The following TRAPPC9 variants were observed in gnomAD, a reference collection of about 807,000 sequenced individuals.
The protein encoded by TRAPPC9 is IKK2 binding protein.
A neutral mutation model predicts 124.0 loss-of-function variants in TRAPPC9; 83 were observed. That is an observed-to-expected ratio of 0.67 (90% CI 0.56 to 0.80). The LOEUF is 0.80. Among genes scored for constraint, TRAPPC9 ranks in the 30% least tolerant of loss-of-function variants. The probability of loss-of-function intolerance (pLI) is 0.00; values close to 1 mark genes in which losing one functional copy is unlikely to be tolerated. For missense variants in TRAPPC9, 1,302 were observed against 1,508.3 expected, an observed-to-expected ratio of 0.86 and a Z score of 2.27; for synonymous variants, 638 against 617.5, an observed-to-expected ratio of 1.03 and a Z score of -0.49.
chr8:139,978,862 C>T (rs950028447), intron 19 of TRAPPC9, among the ~76,000 whole-genome samples: 1 of 152,046 alleles, frequency 6.6e-6, no homozygotes, highest in Non-Finnish European at 1.5e-5. Context: ...ACCAGTGGAG[C>T]TGGGATCGCA....
At chr8:140,233,296 C>G (rs1458911426) in intron 16 of TRAPPC9, among the ~76,000 whole-genome samples, 1 of 152,082 alleles carries the variant, frequency 6.6e-6, no homozygotes, top group Non-Finnish European at 1.5e-5. Flanking sequence ...CCTCTGCCCT[C>G]CGAGTTCAAG....
intron 17 of TRAPPC9, among the ~76,000 whole-genome samples, chr8:140,139,674 G>A (rs1489024045): frequency 1.3e-5 from 2 of 152,024 alleles, no homozygotes; most frequent in Admixed American, 6.6e-5. Context: ...AGTACTCATC[G>A]TACAAAGCCA....
At chr8:140,298,392 C>T (rs1282375923) in intron 11 of TRAPPC9, among the ~76,000 whole-genome samples, 2 of 152,222 alleles carry the variant, frequency 1.3e-5, no homozygotes, top group Non-Finnish European at 2.9e-5. Context: ...GAGGTCCCCA[C>T]CTGTAACCCC....
chr8:139,861,077 G>A (rs991045563), intron 21 of TRAPPC9, among the ~76,000 whole-genome samples: 7 of 152,246 alleles, frequency 4.6e-5, no homozygotes, highest in Non-Finnish European at 8.8e-5. Context: ...ACTGGGTTCC[G>A]TTTGTGCTTG....
At chr8:140,340,503 G>A (rs1287545690) in intron 9 of TRAPPC9, among the ~76,000 whole-genome samples, 1 of 152,218 alleles carries the variant, frequency 6.6e-6, no homozygotes, top group East Asian at 1.9e-4. Flanking sequence ...CACCAGCACT[G>A]TTGAAATCCC....
chr8:140,214,321 G>GC, intron 17 of TRAPPC9, among the ~76,000 whole-genome samples: 1 of 152,176 alleles, frequency 6.6e-6, no homozygotes. Flanking sequence ...TAAGTACCTG[G>GC]CCAAAGGCCC....
At chr8:139,767,736 C>T (rs1370258647) in intron 21 of TRAPPC9, among the ~76,000 whole-genome samples, 5 of 152,248 alleles carry the variant, frequency 3.3e-5, no homozygotes, top group Non-Finnish European at 7.3e-5. Context: ...CTGATGAGCA[C>T]GTGGCAAGGC....
chr8:140,152,173 C>T (rs1230560177), intron 17 of TRAPPC9, among the ~76,000 whole-genome samples: 2 of 143,228 alleles, frequency 1.4e-5, no homozygotes, highest in Non-Finnish European at 3.0e-5. Flanking sequence ...GTGTCTAATA[C>T]ATGTTGACTA....
At chr8:140,220,146 T>C (rs995033909) in intron 17 of TRAPPC9, among the ~76,000 whole-genome samples, 1 of 152,110 alleles carries the variant, frequency 6.6e-6, no homozygotes, top group Non-Finnish European at 1.5e-5. Flanking sequence ...GCAAAACTGA[T>C]GGACAAACAA....
chr8:140,397,817 C>T, intron 6 of TRAPPC9, 72 bp from the exon 7 acceptor site: 4 of 1,590,370 alleles, frequency 2.5e-6, no homozygotes, highest in South Asian at 1.1e-5. Flanking sequence ...AAAGGCTGTG[C>T]TACTGGGACT....
At chr8:139,985,354 A>G (rs559842473) in intron 19 of TRAPPC9, among the ~76,000 whole-genome samples, 2 of 152,286 alleles carry the variant, frequency 1.3e-5, no homozygotes, top group African/African-American at 4.8e-5. Context: ...GACTACATCA[A>G]GTTATTTAGA....
rs573058144 is a variant in TRAPPC9 at position 140,021,280 on chromosome 8, T to A, written c.2699+2657A>T. On this transcript the variant is annotated intron_variant, in intron 18 of 22. Transcript: ENST00000438773. ...CTTATCATCCATTCCTTAAGTGGAT[T>A]GCTCCAGAGTTTGCATGTATCTTTA... is the stretch of plus-strand genomic sequence containing the variant. Among the ~76,000 whole-genome samples, 101 of 152,358 alleles carry A rather than the reference T, an allele frequency of 6.6e-4. 1 individual carries two copies. In the South Asian group the frequency reaches 0.013, roughly 19 times the overall value.
At chr8:140,173,509 G>A (rs1037161003) in intron 17 of TRAPPC9, among the ~76,000 whole-genome samples, 4 of 142,498 alleles carry the variant, frequency 2.8e-5, no homozygotes, top group Admixed American at 1.5e-4. Flanking sequence ...AGCCGAGATC[G>A]CACCACTGCA....
intron 20 of TRAPPC9, among the ~76,000 whole-genome samples, chr8:139,902,753 G>C (rs1031208767): frequency 2.0e-5 from 3 of 152,198 alleles, no homozygotes; most frequent in African/African-American, 7.2e-5. Flanking sequence ...AGAGGCCGAA[G>C]GGTGGGCCCA....
intron 21 of TRAPPC9, among the ~76,000 whole-genome samples, chr8:139,757,309 T>G (rs1350922598): frequency 1.7e-3 from 234 of 137,872 alleles, no homozygotes; most frequent in Non-Finnish European, 2.8e-3. Context: ...GGACAGCAGG[T>G]CGCAGGAGGA....
intron 17 of TRAPPC9, among the ~76,000 whole-genome samples, chr8:140,205,396 A>G (rs1451461338): frequency 6.6e-6 from 1 of 152,256 alleles, no homozygotes; most frequent in Admixed American, 6.5e-5. Context: ...AAGATTGGAA[A>G]CATTCATCAC....
chr8:139,894,982 T>C (rs2060525076), intron 20 of TRAPPC9, among the ~76,000 whole-genome samples: 1 of 152,200 alleles, frequency 6.6e-6, no homozygotes, highest in African/African-American at 2.4e-5. Context: ...GCTGTGCCTG[T>C]TCCCTTCAAC....
At chr8:140,318,067 C>A (rs1292841775) in intron 9 of TRAPPC9, among the ~76,000 whole-genome samples, 1 of 152,222 alleles carries the variant, frequency 6.6e-6, no homozygotes, top group South Asian at 2.1e-4. Context: ...GTATGAAGGT[C>A]TGAAATGATA....
In TRAPPC9 at chr8:140,438,725, G is replaced by T. The variant is rs183462517; in HGVS notation, c.730+327C>A. 5.8e-3 allele frequency among the ~76,000 whole-genome samples: 881 copies of T among 151,548 alleles called. 2 individuals carry two copies. Among genetic ancestry groups the T allele is most frequent in the Non-Finnish European group, 9.7e-3 (661 of 67,914 alleles). ...TTATTTTTTTTTGAGATGGAGTCTC[G>T]CTCTGTTGCCAGGCTGGAGTGCAGT... On this transcript the variant is annotated intron_variant, in intron 3 of 22. Coordinates refer to ENST00000438773, the MANE Select transcript of TRAPPC9 (RefSeq NM_001160372.4).
Sources: gnomAD v4.1 joint callset for allele counts (sites outside exome capture counted in the v4.1 genomes callset) on GRCh38, gnomAD v4.1.1 for gene constraint, MANE v1.5 for transcripts, NCBI Gene and HGNC (gene_info 2026-07-23, HGNC 2026-07-21) for gene names.